Variants in GTF2IRD1 observed in about 807,000 individuals in gnomAD.
The protein encoded by GTF2IRD1 is GTF2I repeat domain containing 1.
Under a neutral mutation model 113.2 loss-of-function variants are expected in GTF2IRD1, and 26 were observed. The observed-to-expected ratio is 0.23, with a 90% CI of 0.17 to 0.32. The LOEUF (loss-of-function observed/expected upper bound fraction) is 0.32, where lower values mean the gene tolerates loss of function less well. Among genes scored for constraint, GTF2IRD1 ranks in the 10% least tolerant of loss-of-function variants. The pLI is 1.00. For missense variants in GTF2IRD1, 864 were observed against 1,280.8 expected, an observed-to-expected ratio of 0.67 and a Z score of 4.97; for synonymous variants, 484 against 529.1, an observed-to-expected ratio of 0.91 and a Z score of 1.17.
chr7:74,547,584 G>T (rs1799022432), intron 17 of GTF2IRD1, among the ~76,000 whole-genome samples: 1 of 151,338 alleles, frequency 6.6e-6, no homozygotes, highest in Admixed American at 6.6e-5. Flanking sequence ...GACTACAGGT[G>T]CGCGCCACCA....
At chr7:74,473,700 G>A (rs1299046542) in intron 1 of GTF2IRD1, among the ~76,000 whole-genome samples, 5 of 152,056 alleles carry the variant, frequency 3.3e-5, no homozygotes, top group African/African-American at 1.2e-4. Context: ...GGAGTCTGGG[G>A]TCTGGGTGGT....
At chr7:74,592,678 G>T (rs1396002157) in intron 24 of GTF2IRD1, among the ~76,000 whole-genome samples, 5 of 151,678 alleles carry the variant, frequency 3.3e-5, no homozygotes, top group South Asian at 2.1e-4. Flanking sequence ...GGGATTACAG[G>T]CATGTGCCAC....
intron 22 of GTF2IRD1, among the ~76,000 whole-genome samples, chr7:74,563,301 C>A (rs1182500546): frequency 2.6e-5 from 4 of 152,038 alleles, no homozygotes; most frequent in African/African-American, 9.7e-5. Flanking sequence ...GCTCTAGGGC[C>A]TGGTGCTGTG....
chr7:74,471,940 C>T (rs1469369328), intron 1 of GTF2IRD1, among the ~76,000 whole-genome samples: 2 of 152,042 alleles, frequency 1.3e-5, no homozygotes, highest in Non-Finnish European at 2.9e-5. Flanking sequence ...TGCAGTGAGC[C>T]GAGATGGCGC....
rs587735114 is a variant in GTF2IRD1, at chr7:74,520,743, G to A, written c.917-465G>A. Among the ~76,000 whole-genome samples the A allele has an allele frequency of 3.0e-5, 4 of 131,298 alleles. No homozygotes were observed. The South Asian group carries it at 1.1e-3, about 37-fold the overall frequency. The allele number at this position is 131,298 out of a possible 152,430, so 86.1% of individuals were successfully genotyped here. ...GCCCAGGAGTTCGAGACCAGCCTGG[G>A]TAACATAGCAAGATCCTATCTCTAC... is the stretch of plus-strand genomic sequence containing the variant. On this transcript the variant is annotated intron_variant, in intron 6 of 26. Coordinates refer to ENST00000424337, the MANE Select transcript of GTF2IRD1 (RefSeq NM_005685.4).
At chr7:74,543,508 T>C (rs1798744318) in intron 14 of GTF2IRD1, among the ~76,000 whole-genome samples, 2 of 152,078 alleles carry the variant, frequency 1.3e-5, no homozygotes, top group Non-Finnish European at 2.9e-5. Context: ...AAGAAAATTC[T>C]GAGATGTCCA....
Position 74,485,901 on chromosome 7 carries a change from C to T in GTF2IRD1, c.-6-22174C>T, listed in dbSNP as rs566142882. On this transcript the variant is annotated intron_variant, in intron 1 of 26. Transcript: ENST00000424337. ...TGATCGTGCCTCTGCACTCCAGCCT[C>T]GGTGACAGAGTGAGACCCTGTCTTT... 6.6e-5 allele frequency among the ~76,000 whole-genome samples: 10 copies of T among 151,564 alleles called. No individual in the cohort carries two copies. In the East Asian group the frequency reaches 1.9e-3, roughly 30 times the overall value.
At chr7:74,569,974 GGC>G (rs1188805703) in intron 22 of GTF2IRD1, among the ~76,000 whole-genome samples, 1 of 152,144 alleles carries the variant, frequency 6.6e-6, no homozygotes, top group African/African-American at 2.4e-5. Context: ...CGGAGGAAAG[GGC>G]GACTGTGCAG....
intron 17 of GTF2IRD1, among the ~76,000 whole-genome samples, chr7:74,552,531 A>T (rs1381169065): frequency 6.6e-6 from 1 of 152,088 alleles, no homozygotes; most frequent in Non-Finnish European, 1.5e-5. Flanking sequence ...TAAATAAATA[A>T]AAAGGTAGCA....
rs781915900 is a variant in GTF2IRD1, at chr7:74,496,419, A to ATG, written c.-6-11649_-6-11648dup. Among the ~76,000 whole-genome samples the ATG allele has an allele frequency of 9.4e-4, 118 of 125,018 alleles. No individual in the cohort carries two copies. In the Middle Eastern group the frequency reaches 0.02, roughly 21 times the overall value. 82.0% of individuals were successfully genotyped at this position (125,018 alleles called of 152,430 possible). On this transcript the variant is annotated intron_variant, in intron 1 of 26. Transcript: ENST00000424337. The stretch of plus-strand genomic sequence containing the variant: ...TGGGTGTGTGTGCATGTGGGTGTCA[A>ATG]TGTGTGTGCATGTGTGTATGCATTT...
intron 4 of GTF2IRD1, among the ~76,000 whole-genome samples, chr7:74,517,796 G>A (rs587684734): frequency 1.3e-4 from 19 of 151,828 alleles, no homozygotes; most frequent in Non-Finnish European, 1.9e-4. Context: ...TTCTCCTACC[G>A]GATTGTCTGC....
rs66883639 is a variant in GTF2IRD1, at chr7:74,490,542, ACCC to A, written c.-6-17524_-6-17522del. 5.6e-4 allele frequency among the ~76,000 whole-genome samples: 73 copies of A among 129,900 alleles called. 1 individual carries two copies. Among genetic ancestry groups the A allele is most frequent in the African/African-American group, 2.1e-3 (72 of 35,122 alleles). 85.2% of individuals were successfully genotyped at this position (129,900 alleles called of 152,430 possible). On this transcript the variant is annotated intron_variant, in intron 1 of 26. Coordinates refer to ENST00000424337, the MANE Select transcript of GTF2IRD1 (RefSeq NM_005685.4). ...GCTGAGGCTGCTGGGGAGAAAGGAT[ACCC>A]CCCCCCCCGCCCGCCTTCCAGAAGG...
intron 1 of GTF2IRD1, among the ~76,000 whole-genome samples, chr7:74,481,499 C>A (rs1794739489): frequency 6.6e-6 from 1 of 152,124 alleles, no homozygotes; most frequent in African/African-American, 2.4e-5. Context: ...TTGTTTCTTT[C>A]CAAATTGTAA....
intron 24 of GTF2IRD1, among the ~76,000 whole-genome samples, chr7:74,592,441 A>T (rs587746240): frequency 6.8e-6 from 1 of 147,822 alleles, no homozygotes; most frequent in African/African-American, 2.5e-5. Flanking sequence ...CTAGTCTCGA[A>T]CTCCTGGGCT....
At chr7:74,594,340 AC>A (rs150108204) in intron 24 of GTF2IRD1, among the ~76,000 whole-genome samples, 6,767 of 152,144 alleles carry the variant, frequency 0.044, 341 homozygotes, top group East Asian at 0.21. Context: ...GGATGGCACC[AC>A]CGAACTCCAG....
intron 22 of GTF2IRD1, among the ~76,000 whole-genome samples, chr7:74,559,961 G>C (rs1274394218): frequency 6.6e-6 from 1 of 152,034 alleles, no homozygotes; most frequent in Non-Finnish European, 1.5e-5. Flanking sequence ...TGTATTTTTG[G>C]TAGAGACGGG....
At chr7:74,527,668 C>T (rs2130401887) in intron 8 of GTF2IRD1, among the ~76,000 whole-genome samples, 1 of 152,212 alleles carries the variant, frequency 6.6e-6, no homozygotes, top group South Asian at 2.1e-4. Context: ...ATGGTGAAAC[C>T]CTGACTCTAC....
intron 22 of GTF2IRD1, among the ~76,000 whole-genome samples, chr7:74,579,219 A>G (rs587761417): frequency 1.3e-4 from 20 of 152,208 alleles, no homozygotes; most frequent in Admixed American, 1.2e-3. Flanking sequence ...TACTCAGGAG[A>G]CTGCGGCAGG....
intron 1 of GTF2IRD1, among the ~76,000 whole-genome samples, chr7:74,496,605 CAT>C (rs1795742795): frequency 1.0e-5 from 1 of 98,526 alleles, no homozygotes; most frequent in African/African-American, 4.4e-5. Flanking sequence ...TGTGGGTGTG[CAT>C]GTATGTGGGT....
Sources: gnomAD v4.1 joint callset for allele counts (sites outside exome capture counted in the v4.1 genomes callset) on GRCh38, gnomAD v4.1.1 for gene constraint, MANE v1.5 for transcripts, NCBI Gene and HGNC (gene_info 2026-07-23, HGNC 2026-07-21) for gene names.